The following CCDC91 variants were observed in gnomAD, a reference collection of about 807,000 sequenced individuals.
CCDC91 encodes coiled-coil domain containing 91.
In CCDC91, 48 loss-of-function variants were observed where a neutral mutation model predicts 63.2. That is an observed-to-expected ratio of 0.76 (90% CI 0.60 to 0.97). The LOEUF is 0.97. Ranked by LOEUF, CCDC91 falls within the 50% of genes least tolerant of loss-of-function variation. The pLI is 0.00. For synonymous variants in CCDC91, 167 were observed against 165.8 expected, an observed-to-expected ratio of 1.01 and a Z score of -0.06; for missense variants, 500 against 494.6, an observed-to-expected ratio of 1.01 and a Z score of -0.10.
intron 11 of CCDC91, among the ~76,000 whole-genome samples, chr12:28,483,791 G>A (rs1339526274): frequency 6.6e-6 from 1 of 152,076 alleles, no homozygotes; most frequent in Non-Finnish European, 1.5e-5. Flanking sequence ...GGTTGGTAGG[G>A]AAGCCATTGG....
chr12:28,483,887 C>CT (rs1951576075), intron 11 of CCDC91, among the ~76,000 whole-genome samples, 165 bp from the exon 12 acceptor site: 2 of 152,214 alleles, frequency 1.3e-5, no homozygotes, highest in South Asian at 4.1e-4. Flanking sequence ...TGTGAACTCT[C>CT]TAACAGATCG....
chr12:28,217,990 A>G (rs777500493), intron 1 of CCDC91, among the ~76,000 whole-genome samples: 1 of 152,094 alleles, frequency 6.6e-6, no homozygotes, highest in African/African-American at 2.4e-5. Flanking sequence ...TTTACCTATT[A>G]TAACTGTCCC....
At chr12:28,280,847 T>C (rs1481331634) in intron 3 of CCDC91, among the ~76,000 whole-genome samples, 3 of 150,200 alleles carry the variant, frequency 2.0e-5, no homozygotes, top group Non-Finnish European at 4.4e-5. Context: ...TATGGTGGCA[T>C]GCATCTGTAG....
intron 11 of CCDC91, among the ~76,000 whole-genome samples, chr12:28,470,356 G>A (rs1390765760): frequency 1.3e-5 from 2 of 152,096 alleles, no homozygotes; most frequent in African/African-American, 4.8e-5. Flanking sequence ...TTGATCATCA[G>A]AAAATTGCAG....
At chr12:28,364,843 T>C (rs1336590114) in intron 7 of CCDC91, among the ~76,000 whole-genome samples, 9 of 152,196 alleles carry the variant, frequency 5.9e-5, no homozygotes, top group African/African-American at 2.2e-4. Context: ...CTATATGAAT[T>C]ATTTTACCTT....
At chr12:28,476,127 A>G (rs1489967626) in intron 11 of CCDC91, among the ~76,000 whole-genome samples, 1 of 151,976 alleles carries the variant, frequency 6.6e-6, no homozygotes, top group Non-Finnish European at 1.5e-5. Flanking sequence ...GGACAATCTA[A>G]AAGACTTTCT....
intron 1 of CCDC91, 136 bp from the exon 2 acceptor site, chr12:28,257,066 C>CT (rs1349822443): frequency 1.3e-5 from 7 of 526,030 alleles, no homozygotes; most frequent in East Asian, 6.4e-5. Context: ...ATTGCAAATT[C>CT]TTTTTTGCAT....
intron 1 of CCDC91, among the ~76,000 whole-genome samples, chr12:28,222,092 A>G (rs557485018): frequency 6.6e-6 from 1 of 152,274 alleles, no homozygotes; most frequent in South Asian, 2.1e-4. Flanking sequence ...CATCTTGTAC[A>G]TCCTTTGTTC....
rs567098709 is a variant in CCDC91 at position 28,273,788 on chromosome 12, G to A, written c.109+14346G>A. On this transcript the variant is annotated intron_variant, in intron 3 of 12. Coordinates refer to ENST00000536442, the MANE Select transcript of CCDC91 (RefSeq NM_018318.5). ...GCAAAAATTTTCTCCCATTCTGTAG[G>A]TTGCCTGTTCACTCTGATGGTAGTT... is the stretch of plus-strand genomic sequence containing the variant. Among the ~76,000 whole-genome samples, 178 of 152,194 alleles carry A rather than the reference G, an allele frequency of 1.2e-3. 2 individuals carry two copies. The highest frequency in any genetic ancestry group is 3.4e-3 in the Middle Eastern group (1 of 294).
intron 1 of CCDC91, among the ~76,000 whole-genome samples, chr12:28,246,766 G>A (rs1325422103): frequency 6.6e-6 from 1 of 152,146 alleles, no homozygotes; most frequent in Admixed American, 6.5e-5. Context: ...GACAAGAAAG[G>A]ATGAGTGGGG....
chr12:28,419,672 A>G (rs1229493380), intron 8 of CCDC91, among the ~76,000 whole-genome samples: 1 of 152,122 alleles, frequency 6.6e-6, no homozygotes, highest in African/African-American at 2.4e-5. Flanking sequence ...TAATCAAAAT[A>G]ATTAGTGTCA....
intron 12 of CCDC91, among the ~76,000 whole-genome samples, chr12:28,523,388 G>C (rs142936238): frequency 9.1e-4 from 139 of 152,166 alleles, no homozygotes; most frequent in African/African-American, 2.0e-3. Flanking sequence ...CAGAGACTAG[G>C]ATTGCAACCC....
chr12:28,424,067 A>C (rs1310193586), intron 8 of CCDC91, among the ~76,000 whole-genome samples: 2 of 152,062 alleles, frequency 1.3e-5, no homozygotes, highest in East Asian at 3.9e-4. Context: ...AGCTGGGACT[A>C]CTGGCTTGCA....
chr12:28,327,393 T>C (rs1478679821), intron 6 of CCDC91, among the ~76,000 whole-genome samples: 1 of 152,072 alleles, frequency 6.6e-6, no homozygotes, highest in Non-Finnish European at 1.5e-5. Flanking sequence ...AAACCATGTG[T>C]GTGTAAGGAG....
At chr12:28,245,383 A>T (rs1160125541) in intron 1 of CCDC91, among the ~76,000 whole-genome samples, 2 of 152,200 alleles carry the variant, frequency 1.3e-5, no homozygotes, top group Non-Finnish European at 2.9e-5. Context: ...GATGGCTGAA[A>T]TACTTAAATG....
intron 12 of CCDC91, among the ~76,000 whole-genome samples, chr12:28,533,337 T>C (rs866631625): frequency 1.2e-4 from 18 of 152,214 alleles, no homozygotes; most frequent in Middle Eastern, 3.4e-3. Context: ...ATAGTCTTAA[T>C]TATGTGCAAG....
chr12:28,503,980 A>AT (rs1938357720), intron 12 of CCDC91, among the ~76,000 whole-genome samples: 1 of 152,050 alleles, frequency 6.6e-6, no homozygotes. Context: ...GATATACCTA[A>AT]TGCTAAATGA....
intron 12 of CCDC91, 50 bp from the exon 13 acceptor site, chr12:28,549,013 A>G (rs1353560037): frequency 8.0e-7 from 1 of 1,249,558 alleles, no homozygotes. Flanking sequence ...TTATCCTTCA[A>G]CTCAGTATTT....
At chr12:28,253,770 G>T (rs1008813611) in intron 1 of CCDC91, among the ~76,000 whole-genome samples, 2 of 152,076 alleles carry the variant, frequency 1.3e-5, no homozygotes, top group Admixed American at 1.3e-4. Flanking sequence ...TGTGTGTTTT[G>T]ATGTGCCATT....
Sources: allele counts gnomAD v4.1 joint callset (sites outside exome capture counted in the v4.1 genomes callset), GRCh38; gene constraint gnomAD v4.1.1; transcripts MANE v1.5; gene names NCBI Gene and HGNC (gene_info 2026-07-23, HGNC 2026-07-21).